Variants in ENOX2 observed in about 807,000 individuals in gnomAD.
ENOX2 encodes the protein ecto-NOX disulfide-thiol exchanger 2.
ENOX2 carries 36 observed loss-of-function variants against 45.0 expected under a neutral mutation model. The ratio of observed to expected loss-of-function variants is 0.80; its 90% CI spans 0.61 to 1.06. ENOX2 has a LOEUF of 1.06. Among genes scored for constraint, ENOX2 ranks in the 50% least tolerant of loss-of-function variants. The pLI is 0.00. For missense variants in ENOX2, 423 were observed against 462.5 expected (o/e 0.91, Z 0.78); for synonymous variants, 174 against 152.3 (o/e 1.14, Z -1.05).
chrX:130,679,420 C>T (rs2037239921), intron 6 of ENOX2, 122 bp downstream of exon 6: 4 of 554,230 alleles, frequency 7.2e-6, no homozygotes, highest in Non-Finnish European at 1.2e-5. Flanking sequence ...ATTCAGTTTC[C>T]ACCTCTGAAG....
At chrX:130,736,362 A>G (rs1234477275) in intron 3 of ENOX2, among the ~76,000 whole-genome samples, 1 of 111,294 alleles carries the variant, frequency 9.0e-6, no homozygotes, top group Non-Finnish European at 1.9e-5. Flanking sequence ...CCATCTCAAA[A>G]AAAAAAAATG....
chrX:130,848,483 T>A (rs2078152099), intron 2 of ENOX2, among the ~76,000 whole-genome samples: 1 of 112,314 alleles, frequency 8.9e-6, no homozygotes, highest in African/African-American at 3.2e-5. Flanking sequence ...TACTTTTCTC[T>A]ATTAATAAGG....
At chrX:130,786,391 T>G (rs2076969082) in intron 2 of ENOX2, among the ~76,000 whole-genome samples, 1 of 111,348 alleles carries the variant, frequency 9.0e-6, no homozygotes, top group Non-Finnish European at 1.9e-5. Context: ...GAAAAACTTT[T>G]TTTTTTTCTT....
chrX:130,817,777 A>G (rs2077515743), intron 2 of ENOX2, among the ~76,000 whole-genome samples: 1 of 112,349 alleles, frequency 8.9e-6, no homozygotes. Context: ...CAAAATAGTA[A>G]GAGCTATTTA....
chrX:130,786,856 A>G (rs1441580859), intron 2 of ENOX2, among the ~76,000 whole-genome samples: 3 of 80,193 alleles, frequency 3.7e-5, no homozygotes, highest in Admixed American at 3.1e-4. Context: ...TAGTGCCGCA[A>G]TAAACATACG....
intron 10 of ENOX2, among the ~76,000 whole-genome samples, chrX:130,637,630 A>T (rs145356904): frequency 0.012 from 1,389 of 111,417 alleles, 29 homozygotes; most frequent in African/African-American, 0.043. Flanking sequence ...CTCCACCTCA[A>T]ATATAACTAA....
Position 130,748,068 on chromosome X carries a change from T to C in ENOX2, c.-39+35479A>G, listed in dbSNP as rs142836964. On this transcript the variant is annotated intron_variant, in intron 3 of 14. Coordinates refer to ENST00000394363, the MANE Select transcript of ENOX2 (RefSeq NM_006375.4). Reference sequence around the variant, plus strand: ...AAAAACAACAAAGGGCACAGAAGGTTGGTGTGGCAAAGTCAGAGTACATAT... The same window carrying C: ...AAAAACAACAAAGGGCACAGAAGGTCGGTGTGGCAAAGTCAGAGTACATAT... Among the ~76,000 whole-genome samples, 144 of 112,264 alleles carry C rather than the reference T, an allele frequency of 1.3e-3. 1 individual carries two copies. The highest frequency in any genetic ancestry group is 4.6e-3 in the African/African-American group (142 of 30,946).
chrX:130,657,082 C>A, intron 9 of ENOX2, among the ~76,000 whole-genome samples: 1 of 111,960 alleles, frequency 8.9e-6, no homozygotes, highest in Non-Finnish European at 1.9e-5. Flanking sequence ...CCATTCTCTT[C>A]TCTGTCTTTT....
At chrX:130,874,215 T>C (rs1034951416) in intron 2 of ENOX2, among the ~76,000 whole-genome samples, 5 of 112,340 alleles carry the variant, frequency 4.5e-5, no homozygotes, top group African/African-American at 1.6e-4. Flanking sequence ...GCTGTGTTTG[T>C]CATGTCCTAG....
intron 2 of ENOX2, among the ~76,000 whole-genome samples, chrX:130,819,754 C>T (rs1464823137): frequency 9.0e-6 from 1 of 111,099 alleles, no homozygotes; most frequent in African/African-American, 3.3e-5. Context: ...GGAGAAATAC[C>T]TAATGCAGAT....
At chrX:130,641,634 T>G (rs1335821655) in intron 10 of ENOX2, among the ~76,000 whole-genome samples, 2 of 106,090 alleles carry the variant, frequency 1.9e-5, no homozygotes, top group African/African-American at 6.9e-5. Context: ...GGATAATCGT[T>G]TGAATCTGGG....
intron 2 of ENOX2, among the ~76,000 whole-genome samples, chrX:130,831,650 T>C (rs754680588): frequency 3.6e-5 from 4 of 111,896 alleles, no homozygotes; most frequent in East Asian, 5.6e-4. Flanking sequence ...AGAAACCTTT[T>C]TTCCATGATA....
chrX:130,877,516 G>A (rs1323533973), intron 2 of ENOX2, among the ~76,000 whole-genome samples: 2 of 111,767 alleles, frequency 1.8e-5, no homozygotes, highest in African/African-American at 6.5e-5. Flanking sequence ...TTGTCTGAGC[G>A]TTTTAAATAT....
intron 3 of ENOX2, among the ~76,000 whole-genome samples, chrX:130,726,459 G>A (rs779972936): frequency 1.8e-5 from 2 of 112,409 alleles, no homozygotes; most frequent in Non-Finnish European, 3.8e-5. Context: ...TTCCTGCTAA[G>A]TTGCATCAGT....
intron 10 of ENOX2, among the ~76,000 whole-genome samples, chrX:130,648,581 T>G (rs917982219): frequency 7.2e-5 from 8 of 111,713 alleles, no homozygotes; most frequent in African/African-American, 2.6e-4. Flanking sequence ...AGATGAAATA[T>G]TGCTGTGGTT....
rs1402451462 is a variant in ENOX2 at position 130,633,316 on chromosome X, C to T, written c.1419+1668G>A. Among the ~76,000 whole-genome samples the T allele has an allele frequency of 9.8e-5, 11 of 112,325 alleles. No homozygotes were observed. The Admixed American group carries it at 1.0e-3, about 11-fold the overall frequency. ...TCCTTTCAACCTGAAATTATTTTTG[C>T]AGTCTAATGTGATGGTACTTTGCTT... On this transcript the variant is annotated intron_variant, in intron 12 of 14. Transcript: ENST00000394363.
At chrX:130,868,382 C>T (rs1458586757) in intron 2 of ENOX2, among the ~76,000 whole-genome samples, 1 of 111,855 alleles carries the variant, frequency 8.9e-6, no homozygotes, top group Non-Finnish European at 1.9e-5. Flanking sequence ...GCCAAGGTAC[C>T]AGTGGTTTTA....
At chrX:130,653,936 G>A (rs1401308583) in intron 10 of ENOX2, among the ~76,000 whole-genome samples, 1 of 111,969 alleles carries the variant, frequency 8.9e-6, no homozygotes, top group Non-Finnish European at 1.9e-5. Flanking sequence ...CATTTAGGAT[G>A]GCTGATAAAA....
intron 4 of ENOX2, among the ~76,000 whole-genome samples, chrX:130,697,426 T>C (rs931091405): frequency 8.9e-6 from 1 of 112,480 alleles, no homozygotes; most frequent in Admixed American, 9.4e-5. Context: ...GATTGTGCCA[T>C]GCCCATATTG....
Sources: allele counts gnomAD v4.1 joint callset (sites outside exome capture counted in the v4.1 genomes callset), GRCh38; gene constraint gnomAD v4.1.1; transcripts MANE v1.5; gene names NCBI Gene and HGNC (gene_info 2026-07-23, HGNC 2026-07-21).